LOXL2: variants seen among roughly 807,000 people sequenced by gnomAD.
LOXL2 encodes the protein lysyl oxidase homolog 2.
A neutral mutation model predicts 93.0 loss-of-function variants in LOXL2; 70 were observed. The ratio of observed to expected loss-of-function variants is 0.75; its 90% CI spans 0.62 to 0.92. The LOEUF (loss-of-function observed/expected upper bound fraction) is 0.92. Ranked by LOEUF, LOXL2 falls within the 40% of genes least tolerant of loss-of-function variation. The pLI is 0.00. For synonymous variants in LOXL2, 438 were observed against 413.2 expected, an observed-to-expected ratio of 1.06 and a Z score of -0.73; for missense variants, 973 against 1,054.9, an observed-to-expected ratio of 0.92 and a Z score of 1.08.
rs1275508954 is a variant in LOXL2, at chr8:23,341,911, G to A, written c.532-708C>T. 5.9e-5 allele frequency among the ~76,000 whole-genome samples: 9 copies of A among 152,224 alleles called. No homozygotes were observed. The East Asian group carries it at 1.5e-3, about 26-fold the overall frequency. On this transcript the variant is annotated intron_variant, in intron 3 of 13. Transcript: ENST00000389131. ...GGTTGGGGACAACTATTTGGCTGCAGCAAGGAAAGGAGACACAGCAAGGAA... is the reference window on the plus strand; with the variant it reads ...GGTTGGGGACAACTATTTGGCTGCAACAAGGAAAGGAGACACAGCAAGGAA...
At chr8:23,342,199 AG>A (rs574386923) in intron 3 of LOXL2, among the ~76,000 whole-genome samples, 20 of 152,026 alleles carry the variant, frequency 1.3e-4, no homozygotes, top group Admixed American at 4.6e-4. Flanking sequence ...CGGGCAGGAG[AG>A]GGGGCCTCAA....
intron 12 of LOXL2, among the ~76,000 whole-genome samples, chr8:23,301,619 G>C (rs1459270659): frequency 6.6e-6 from 1 of 152,162 alleles, no homozygotes; most frequent in Non-Finnish European, 1.5e-5. Context: ...TTTCAGTCTT[G>C]AAAGCACAGA....
chr8:23,395,332 A>C (rs1293269211), intron 1 of LOXL2, among the ~76,000 whole-genome samples: 2 of 151,876 alleles, frequency 1.3e-5, no homozygotes, highest in African/African-American at 4.8e-5. Flanking sequence ...AAAAAAAAAA[A>C]AAACCACATA....
rs766432194 is a variant in LOXL2 at position 23,368,317 on chromosome 8, C to A, written c.35G>T (p.Cys12Phe). ...ERPLCSHLCS[C>F]LAMLALLSPL... ...GGACAGGAGGGCCAGCATAGCCAGG[C>A]AGCTGCAGAGGTGGGAGCACAGAGG... The change falls in exon 2 of 14, where the codon TGC (cysteine) becomes TTC (phenylalanine). Residue 12 changes from cysteine (C) to phenylalanine (F), a missense_variant. Cys to Phe is a radical substitution (Grantham distance 205). Transcript: ENST00000389131. 1.2e-6 allele frequency: 2 copies of A among 1,612,920 alleles called. No homozygotes were observed. Among genetic ancestry groups the A allele is most frequent in the South Asian group, 1.1e-5 (1 of 91,082 alleles).
chr8:23,329,569 C>T (rs1803640060), intron 5 of LOXL2, among the ~76,000 whole-genome samples: 1 of 151,348 alleles, frequency 6.6e-6, no homozygotes, highest in South Asian at 2.1e-4. Flanking sequence ...CACCTGCATG[C>T]ATGCTGCATG....
intron 12 of LOXL2, among the ~76,000 whole-genome samples, chr8:23,301,699 G>A (rs1330100559): frequency 2.0e-5 from 3 of 152,198 alleles, no homozygotes; most frequent in South Asian, 4.1e-4. Context: ...GACAAGAGGT[G>A]TGGGTTGCCT....
intron 3 of LOXL2, 21 bp downstream of exon 3, chr8:23,360,069 C>G: frequency 6.3e-7 from 1 of 1,585,024 alleles, no homozygotes; most frequent in African/African-American, 1.3e-5. Flanking sequence ...ATGAAGGAAA[C>G]ATCAAGAGCA....
At chr8:23,367,272 C>A (rs1166200464) in intron 2 of LOXL2, among the ~76,000 whole-genome samples, 2 of 152,144 alleles carry the variant, frequency 1.3e-5, no homozygotes, top group East Asian at 3.9e-4. Flanking sequence ...TGGTCTCGAA[C>A]TCCTGACCTC....
chr8:23,299,932 C>G (rs182395264), intron 12 of LOXL2, among the ~76,000 whole-genome samples: 1 of 152,354 alleles, frequency 6.6e-6, no homozygotes, highest in East Asian at 1.9e-4. Context: ...TTCTGGGGGC[C>G]TGCACCTGGC....
Position 23,302,140 on chromosome 8 carries a change from C to G in LOXL2, c.2020G>C (p.Ala674Pro), listed in dbSNP as rs752543021. ...EGDIQKNYECANFGDQGITMG... is the reference protein window; with the variant it reads ...EGDIQKNYECPNFGDQGITMG... ...GTGATGCCCTGATCGCCGAAGTTGG[C>G]ACACTCGTAATTCTTCTGGATGTCT... The change falls in exon 12 of 14, where the codon GCC (alanine) becomes CCC (proline). Residue 674 changes from alanine (A) to proline (P), a missense_variant. Ala to Pro is a conservative substitution (Grantham distance 27). Transcript: ENST00000389131. 2 of 1,614,160 alleles carry G rather than the reference C, an allele frequency of 1.2e-6. No homozygotes were observed. Among genetic ancestry groups the G allele is most frequent in the Non-Finnish European group, 1.7e-6 (2 of 1,180,012 alleles).
chr8:23,361,567 A>G (rs1217604099), intron 2 of LOXL2, among the ~76,000 whole-genome samples: 4 of 152,246 alleles, frequency 2.6e-5, no homozygotes, highest in East Asian at 1.9e-4. Context: ...AAAATGGGCC[A>G]GGCAGTGGCT....
chr8:23,359,521 A>G (rs548519974), intron 3 of LOXL2, among the ~76,000 whole-genome samples: 209 of 152,220 alleles, frequency 1.4e-3, no homozygotes, highest in Non-Finnish European at 2.2e-3. Context: ...GCCAACAACC[A>G]TAAGAGCCTG....
chr8:23,305,508 C>G (rs1033456423), intron 10 of LOXL2, among the ~76,000 whole-genome samples: 2 of 149,292 alleles, frequency 1.3e-5, no homozygotes, highest in African/African-American at 4.9e-5. Context: ...AGCCCCCCCA[C>G]ACCCCCCGCC....
chr8:23,302,821 T>A (rs890463197), intron 11 of LOXL2, among the ~76,000 whole-genome samples: 8 of 151,942 alleles, frequency 5.3e-5, no homozygotes, highest in African/African-American at 1.9e-4. Context: ...CTACCAGAAG[T>A]GTGAGCAGAG....
chr8:23,348,432 G>A lies in LOXL2; in HGVS notation c.532-7229C>T, dbSNP rs538945370. Among the ~76,000 whole-genome samples the A allele has an allele frequency of 1.3e-4, 18 of 137,464 alleles. 1 individual carries two copies. The South Asian group carries it at 1.3e-3, about 10-fold the overall frequency. The allele number at this position is 137,464 out of a possible 152,430, so 90.2% of individuals were successfully genotyped here. On this transcript the variant is annotated intron_variant, in intron 3 of 13. Transcript: ENST00000389131. ...ACAAAAAAAAAAATTAGCTGGGCAC[G>A]GTGGCACCTGCCCATAGTCCTAGCT...
chr8:23,307,138 C>T (rs993697618), intron 10 of LOXL2, among the ~76,000 whole-genome samples: 1 of 152,190 alleles, frequency 6.6e-6, no homozygotes, highest in Non-Finnish European at 1.5e-5. Flanking sequence ...AATCTGCTGA[C>T]ATAGGCTATT....
intron 6 of LOXL2, among the ~76,000 whole-genome samples, chr8:23,324,527 G>A (rs1437520101): frequency 6.6e-6 from 1 of 152,146 alleles, no homozygotes; most frequent in Non-Finnish European, 1.5e-5. Flanking sequence ...TGGACTTCTG[G>A]TTCCTTCTGC....
At position 23,322,146 on chromosome 8, in the gene LOXL2, A is replaced by AT. The variant is rs1192476065; in HGVS notation, c.1285dup (p.Met429AsnfsTer121). On this transcript the variant is annotated frameshift_variant, in exon 7 of 14. Coordinates refer to ENST00000389131, the MANE Select transcript of LOXL2 (RefSeq NM_002318.3). LOFTEE classifies it high-confidence loss of function. ...TCCCATCACCTTCTTCTGCAAGCCC[A>AT]TGGCAGGGGTGTTGCATCTCACACC... 6.2e-7 allele frequency: 1 copy of AT among 1,614,092 alleles called. No individual in the cohort carries two copies. The highest frequency in any genetic ancestry group is 2.2e-5 in the East Asian group (1 of 44,870).
At chr8:23,401,089 G>C (rs934823717) in intron 1 of LOXL2, among the ~76,000 whole-genome samples, 3 of 152,208 alleles carry the variant, frequency 2.0e-5, no homozygotes, top group Admixed American at 1.3e-4. Context: ...GCCATGAGGA[G>C]GCTGGGTTAG....
Sources: allele counts gnomAD v4.1 joint callset (sites outside exome capture counted in the v4.1 genomes callset), GRCh38; gene constraint gnomAD v4.1.1; transcripts MANE v1.5; gene names NCBI Gene and HGNC (gene_info 2026-07-23, HGNC 2026-07-21).